The following ITPR2 variants were observed in gnomAD, a reference collection of about 807,000 sequenced individuals.
ITPR2 encodes the protein inositol 1,4,5-trisphosphate-gated calcium channel ITPR2.
In ITPR2, 207 loss-of-function variants were observed where a neutral mutation model predicts 317.1. The ratio of observed to expected loss-of-function variants is 0.65; its 90% confidence interval spans 0.58 to 0.73. The LOEUF (loss-of-function observed/expected upper bound fraction) is 0.73. Ranked by LOEUF, ITPR2 falls within the 30% of genes least tolerant of loss-of-function variation. The pLI is 0.00. For synonymous variants in ITPR2, 1,156 were observed against 1,149.1 expected, an observed-to-expected ratio of 1.01 and a Z score of -0.12; for missense variants, 2,613 against 3,284.0, an observed-to-expected ratio of 0.80 and a Z score of 4.99.
intron 21 of ITPR2, among the ~76,000 whole-genome samples, chr12:26,644,940 G>A (rs117012158): frequency 0.028 from 4,224 of 152,208 alleles, 55 homozygotes; most frequent in Middle Eastern, 0.071. Flanking sequence ...CTTCAAGCAC[G>A]GTCACTCACC....
intron 13 of ITPR2, among the ~76,000 whole-genome samples, chr12:26,674,933 A>G (rs1431760187): frequency 6.6e-6 from 1 of 151,882 alleles, no homozygotes; most frequent in Admixed American, 6.6e-5. Flanking sequence ...GCAGCCAAAA[A>G]ACACATGAAA....
intron 1 of ITPR2, among the ~76,000 whole-genome samples, chr12:26,823,264 C>T (rs963787137): frequency 2.0e-5 from 3 of 152,088 alleles, no homozygotes; most frequent in African/African-American, 7.2e-5. Context: ...ATTTATTAAA[C>T]ACCTACTATA....
intron 36 of ITPR2, among the ~76,000 whole-genome samples, chr12:26,551,013 A>T (rs963374819): frequency 6.6e-6 from 1 of 152,220 alleles, no homozygotes; most frequent in Admixed American, 6.5e-5. Flanking sequence ...CTCCGTTAGG[A>T]GAAGAGTTTC....
chr12:26,565,743 T>C (rs1944941303), intron 34 of ITPR2, among the ~76,000 whole-genome samples: 2 of 150,476 alleles, frequency 1.3e-5, no homozygotes, highest in African/African-American at 4.9e-5. Context: ...TTTGAGGTTG[T>C]AGTACACTGT....
intron 21 of ITPR2, among the ~76,000 whole-genome samples, chr12:26,644,403 G>GCT (rs1233728166): frequency 1.3e-5 from 2 of 152,118 alleles, no homozygotes; most frequent in African/African-American, 4.8e-5. Context: ...CCAGAAGCAG[G>GCT]CTCTCACCAG....
At chr12:26,807,861 T>C (rs1057380498) in intron 1 of ITPR2, among the ~76,000 whole-genome samples, 2 of 152,090 alleles carry the variant, frequency 1.3e-5, no homozygotes, top group Non-Finnish European at 2.9e-5. Context: ...CTTTTAGAGA[T>C]TTCTCTTTCC....
At chr12:26,713,306 A>T (rs1592062377) in intron 8 of ITPR2, among the ~76,000 whole-genome samples, 1 of 152,334 alleles carries the variant, frequency 6.6e-6, no homozygotes, top group Non-Finnish European at 1.5e-5. Flanking sequence ...CATGCTGGGT[A>T]AGCACAGTCC....
chr12:26,672,596 C>T (rs1252732220), intron 13 of ITPR2, among the ~76,000 whole-genome samples: 2 of 149,744 alleles, frequency 1.3e-5, no homozygotes, highest in Non-Finnish European at 3.0e-5. Context: ...CAAGAGAAAG[C>T]AGGAAAGATC....
chr12:26,416,734 C>G (rs1592004245), intron 50 of ITPR2, among the ~76,000 whole-genome samples: 1 of 152,286 alleles, frequency 6.6e-6, no homozygotes, highest in East Asian at 1.9e-4. Flanking sequence ...TTCTTCAGTA[C>G]AGACAAATTA....
chr12:26,810,105 T>C (rs565443842), intron 1 of ITPR2, among the ~76,000 whole-genome samples: 1 of 152,226 alleles, frequency 6.6e-6, no homozygotes, highest in Non-Finnish European at 1.5e-5. Context: ...AAAATAACTT[T>C]CGCAATCTCA....
intron 13 of ITPR2, among the ~76,000 whole-genome samples, chr12:26,671,271 A>G (rs1358639025): frequency 6.6e-6 from 1 of 152,178 alleles, no homozygotes; most frequent in Non-Finnish European, 1.5e-5. Flanking sequence ...GTTGAAATGA[A>G]GGAAAAAATG....
At chr12:26,775,899 T>TGTGA (rs1347483666) in intron 2 of ITPR2, among the ~76,000 whole-genome samples, 3,067 of 144,076 alleles carry the variant, frequency 0.021, 140 homozygotes, top group African/African-American at 0.074. Flanking sequence ...CTTGTGATCG[T>TGTGA]GTCAGTCAAT....
In ITPR2 at chr12:26,715,412, C is replaced by T. The variant is rs1212502305; in HGVS notation, c.742G>A (p.Glu248Lys). 1 of 1,613,580 alleles carries T rather than the reference C, an allele frequency of 6.2e-7. No homozygotes were observed. The change falls in exon 8 of 57, where the codon GAG (glutamate) becomes AAG (lysine). Residue 248 changes from glutamate to lysine, a missense_variant. By Grantham distance (56) the Glu-to-Lys change is moderately conservative. Around this residue, in one of 9 missense-constraint regions of ITPR2, gnomAD observed 515 missense variants for 789.4 expected, o/e 0.65. Coordinates refer to ENST00000381340, the MANE Select transcript of ITPR2 (RefSeq NM_002223.4). ...DVVRLFHAEQ[E>K]KFLTCDEYEK... The stretch of plus-strand genomic sequence containing the variant: ...TATTCATCACAAGTCAAAAACTTCT[C>T]TTGTTCCGCATGAAATAATCTAACA...
chr12:26,363,577 G>A (rs916794247), intron 55 of ITPR2, among the ~76,000 whole-genome samples: 1 of 152,038 alleles, frequency 6.6e-6, no homozygotes, highest in South Asian at 2.1e-4. Flanking sequence ...ACAGATTTTT[G>A]ATTTCCAGAC....
At chr12:26,518,673 T>C (rs1447998077) in intron 37 of ITPR2, among the ~76,000 whole-genome samples, 6 of 152,160 alleles carry the variant, frequency 3.9e-5, no homozygotes, top group African/African-American at 1.4e-4. Flanking sequence ...ACTCATTAAA[T>C]ATAGAAGCAT....
chr12:26,665,773 G>A, intron 14 of ITPR2, 137 bp downstream of exon 14: 2 of 737,522 alleles, frequency 2.7e-6, no homozygotes, highest in South Asian at 1.9e-5. Context: ...GAAACTGTGA[G>A]ACAAGAAGTA....
chr12:26,407,311 T>A (rs1002299174), intron 52 of ITPR2, among the ~76,000 whole-genome samples: 4 of 152,154 alleles, frequency 2.6e-5, no homozygotes, highest in African/African-American at 9.7e-5. Flanking sequence ...AACAGAACAG[T>A]TTATCAAGCT....
chr12:26,680,104 C>G (rs1422550831), intron 13 of ITPR2, among the ~76,000 whole-genome samples: 1 of 151,932 alleles, frequency 6.6e-6, no homozygotes, highest in Non-Finnish European at 1.5e-5. Context: ...TTGTGTCCAC[C>G]TTATCCCATA....
chr12:26,381,969 G>A (rs1191010630), intron 55 of ITPR2, among the ~76,000 whole-genome samples: 1 of 152,210 alleles, frequency 6.6e-6, no homozygotes, highest in Admixed American at 6.5e-5. Context: ...CAAAATGTTA[G>A]AGAAACATCT....
Sources: gnomAD v4.1 joint callset for allele counts (sites outside exome capture counted in the v4.1 genomes callset) on GRCh38, gnomAD v4.1.1 for gene constraint, gnomAD v4.1.1 regional missense constraint, MANE v1.5 for transcripts, NCBI Gene and HGNC (gene_info 2026-07-23, HGNC 2026-07-21) for gene names.